SHANK2: variants seen among roughly 807,000 people sequenced by gnomAD.
The protein encoded by SHANK2 is SH3 and multiple ankyrin repeat domains protein 2.
SHANK2 carries 43 observed loss-of-function variants against 133.7 expected under a neutral mutation model. The observed-to-expected ratio is 0.32, with a 90% CI of 0.25 to 0.41. The LOEUF (loss-of-function observed/expected upper bound fraction) is 0.41, where lower values mean the gene tolerates loss of function less well. Among genes scored for constraint, SHANK2 ranks in the 10% least tolerant of loss-of-function variants. The probability of loss-of-function intolerance (pLI) is 1.00; values close to 1 mark genes in which losing one functional copy is unlikely to be tolerated. For missense variants in SHANK2, 1,994 were observed against 2,235.8 expected (o/e 0.89, Z 2.18); for synonymous variants, 1,017 against 952.8 (o/e 1.07, Z -1.24).
At chr11:70,781,876 T>C (rs1304101855) in intron 14 of SHANK2, among the ~76,000 whole-genome samples, 7 of 150,908 alleles carry the variant, frequency 4.6e-5, no homozygotes, top group Non-Finnish European at 1.0e-4. Flanking sequence ...TGTCCAACAA[T>C]GATAGACTGG....
intron 11 of SHANK2, among the ~76,000 whole-genome samples, chr11:70,887,911 C>T (rs868987552): frequency 2.4e-4 from 37 of 152,250 alleles, no homozygotes; most frequent in Admixed American, 1.6e-3. Flanking sequence ...TGCTTGTGAG[C>T]ACCAAGGGTT....
At chr11:70,728,840 T>C (rs905935512) in intron 14 of SHANK2, among the ~76,000 whole-genome samples, 1 of 152,026 alleles carries the variant, frequency 6.6e-6, no homozygotes, top group Non-Finnish European at 1.5e-5. Context: ...AACATACCCA[T>C]AAGGGGTTCA....
At chr11:70,726,890 G>A (rs1266378493) in intron 14 of SHANK2, among the ~76,000 whole-genome samples, 1 of 152,202 alleles carries the variant, frequency 6.6e-6, no homozygotes, top group African/African-American at 2.4e-5. Context: ...CAGTAAGCCT[G>A]GGCTAGCCCA....
chr11:70,805,067 C>A (rs1555051542), intron 13 of SHANK2, among the ~76,000 whole-genome samples: 2 of 152,324 alleles, frequency 1.3e-5, no homozygotes, highest in Admixed American at 6.5e-5. Context: ...TGAGTGAGTC[C>A]ACAGATGCCC....
intron 14 of SHANK2, among the ~76,000 whole-genome samples, chr11:70,726,671 A>T (rs948095496): frequency 2.0e-5 from 3 of 152,150 alleles, no homozygotes; most frequent in African/African-American, 7.2e-5. Flanking sequence ...ACCTAAAATT[A>T]TTCCCCTCCC....
At chr11:70,870,058 C>T (rs1441219639) in intron 11 of SHANK2, among the ~76,000 whole-genome samples, 1 of 152,172 alleles carries the variant, frequency 6.6e-6, no homozygotes, top group East Asian at 1.9e-4. Context: ...AGTGAGGTTG[C>T]GACGAGGTAA....
chr11:70,624,256 T>G (rs1291208495), intron 17 of SHANK2, among the ~76,000 whole-genome samples: 1 of 152,058 alleles, frequency 6.6e-6, no homozygotes, highest in Non-Finnish European at 1.5e-5. Flanking sequence ...CTGCATGGTC[T>G]TATTCCCAGG....
intron 17 of SHANK2, among the ~76,000 whole-genome samples, chr11:70,519,248 A>C (rs531767740): frequency 6.6e-6 from 1 of 152,288 alleles, no homozygotes; most frequent in African/African-American, 2.4e-5. Context: ...CAACACTTGG[A>C]TGACTCTGAG....
chr11:71,213,881 G>A (rs1954341630), intron 2 of SHANK2, among the ~76,000 whole-genome samples: 1 of 152,210 alleles, frequency 6.6e-6, no homozygotes, highest in African/African-American at 2.4e-5. Flanking sequence ...CCCTTCCAGA[G>A]CTGGCTAGTT....
intron 15 of SHANK2, among the ~76,000 whole-genome samples, chr11:70,691,062 G>A (rs1945278643): frequency 6.6e-6 from 1 of 152,136 alleles, no homozygotes; most frequent in South Asian, 2.1e-4. Flanking sequence ...CCCTATCTCT[G>A]TAGTTTAATT....
chr11:70,707,329 G>C (rs919263606), intron 14 of SHANK2, among the ~76,000 whole-genome samples: 2 of 139,106 alleles, frequency 1.4e-5, no homozygotes, highest in Admixed American at 1.6e-4. Context: ...CCGAGATTGT[G>C]CCATTGCAGT....
intron 24 of SHANK2, chr11:70,489,101 A>T (rs782758604): frequency 1.8e-6 from 1 of 555,944 alleles, no homozygotes; most frequent in Non-Finnish European, 3.2e-6. Flanking sequence ...ATTTATTCCA[A>T]TGAAAACTTC....
At chr11:70,820,124 C>T (rs1948484843) in intron 12 of SHANK2, among the ~76,000 whole-genome samples, 1 of 152,218 alleles carries the variant, frequency 6.6e-6, no homozygotes, top group South Asian at 2.1e-4. Flanking sequence ...GCTCAGCCTG[C>T]ACACCTGCCC....
chr11:70,621,688 A>C (rs2060831214), intron 17 of SHANK2, among the ~76,000 whole-genome samples: 1 of 152,236 alleles, frequency 6.6e-6, no homozygotes, highest in African/African-American at 2.4e-5. Flanking sequence ...TGCTTACATT[A>C]CAAAACAACC....
chr11:71,187,802 A>G (rs1555114724), intron 2 of SHANK2, among the ~76,000 whole-genome samples: 3 of 152,200 alleles, frequency 2.0e-5, no homozygotes, highest in Non-Finnish European at 4.4e-5. Flanking sequence ...AGTTAGAGAC[A>G]GTGTCTTCCT....
chr11:70,769,940 G>A (rs782658752), intron 14 of SHANK2, among the ~76,000 whole-genome samples: 1 of 152,210 alleles, frequency 6.6e-6, no homozygotes, highest in Non-Finnish European at 1.5e-5. Context: ...GCTGGAGGCT[G>A]AAGGGGGTGG....
At chr11:70,873,154 C>T (rs782789463) in intron 11 of SHANK2, 4 of 467,348 alleles carry the variant, frequency 8.6e-6, no homozygotes, top group African/African-American at 2.0e-5. Context: ...AACAAAGAGC[C>T]GTTGCCACAG....
rs909835497 is a variant in SHANK2 at position 71,169,255 on chromosome 11, T to C, written c.-12-21917A>G. Among the ~76,000 whole-genome samples, 4 of 152,356 alleles carry C rather than the reference T, an allele frequency of 2.6e-5. No individual in the cohort carries two copies. In the South Asian group the frequency reaches 8.3e-4, roughly 32 times the overall value. ...TGATTGACTAAGCTCGTGTTTCATTTTTCTTTAATATAGACATTTATCAGA... is the reference window on the plus strand; with the variant it reads ...TGATTGACTAAGCTCGTGTTTCATTCTTCTTTAATATAGACATTTATCAGA... On this transcript the variant is annotated intron_variant, in intron 2 of 25. Transcript: ENST00000601538.
At chr11:71,224,323 C>T (rs1013450560) in intron 2 of SHANK2, among the ~76,000 whole-genome samples, 65 of 152,062 alleles carry the variant, frequency 4.3e-4, no homozygotes, top group African/African-American at 1.4e-3. Context: ...CCCTTCCCTG[C>T]ACGTGGGCAT....
Sources: allele counts gnomAD v4.1 joint callset (sites outside exome capture counted in the v4.1 genomes callset), GRCh38; gene constraint gnomAD v4.1.1; transcripts MANE v1.5; gene names NCBI Gene and HGNC (gene_info 2026-07-23, HGNC 2026-07-21).